The following GPALPP1 variants were observed in gnomAD, a reference collection of about 807,000 sequenced individuals.
GPALPP1 encodes GPALPP motifs containing 1.
Under a neutral mutation model 38.9 loss-of-function variants are expected in GPALPP1, and 30 were observed. The observed-to-expected ratio is 0.77, with a 90% CI of 0.58 to 1.05. The LOEUF (loss-of-function observed/expected upper bound fraction) is 1.05, where lower values mean the gene tolerates loss of function less well. Among genes scored for constraint, GPALPP1 ranks in the 50% least tolerant of loss-of-function variants. The pLI is 0.00. For synonymous variants in GPALPP1, 120 were observed against 139.2 expected (o/e 0.86, Z 0.97); for missense variants, 384 against 408.8 (o/e 0.94, Z 0.52).
At chr13:44,992,082 T>C (rs1385058190) in intron 1 of GPALPP1, among the ~76,000 whole-genome samples, 1 of 152,222 alleles carries the variant, frequency 6.6e-6, no homozygotes, top group Non-Finnish European at 1.5e-5. Context: ...GTATATGTCT[T>C]ATGGTAGATA....
At position 45,004,296 on chromosome 13, in the gene GPALPP1, G is replaced by A; in HGVS notation, c.89-9G>A. 6.2e-7 allele frequency: 1 copy of A among 1,609,988 alleles called. No homozygotes were observed. Reference sequence around the variant, plus strand: ...TGGCTAGTGATGACAAACAACAAGTGTTCTTTAGTTGCAGGACCAGCTCTG... The same window carrying A: ...TGGCTAGTGATGACAAACAACAAGTATTCTTTAGTTGCAGGACCAGCTCTG... On this transcript the variant is annotated splice_polypyrimidine_tract_variant and intron_variant, in intron 1 of 7. Coordinates refer to ENST00000379151, the MANE Select transcript of GPALPP1 (RefSeq NM_018559.5).
chr13:45,034,310 T>C (rs1876328479), downstream of GPALPP1: 1 of 152,122 alleles, frequency 6.6e-6, no homozygotes, highest in African/African-American at 2.4e-5. Context: ...TATATTCTAG[T>C]GGGAGAGCAG....
downstream of GPALPP1, chr13:45,035,220 T>G (rs1015299238): frequency 1.3e-5 from 2 of 152,478 alleles, no homozygotes; most frequent in Non-Finnish European, 2.9e-5. Context: ...CCTCCCAAAG[T>G]GCTGGGATTA....
At chr13:44,992,787 T>C (rs61052533) in intron 1 of GPALPP1, among the ~76,000 whole-genome samples, 4,446 of 152,300 alleles carry the variant, frequency 0.029, 243 homozygotes, top group African/African-American at 0.1. Context: ...TTGTTTATTC[T>C]GGTAAAATAT....
chr13:45,006,222 A>G lies in GPALPP1; in HGVS notation c.242A>G (p.Asp81Gly). 1.2e-6 allele frequency: 2 copies of G among 1,607,344 alleles called. No individual in the cohort carries two copies. The highest frequency in any genetic ancestry group is 1.7e-6 in the Non-Finnish European group (2 of 1,176,088). The part of the protein sequence containing the change: ...PTARKQRKNQ[D>G]DDDDDDDGFF... ...TTCAGAAAACAGAGGAAAAATCAGGATGATGACGATGATGATGATGATGGG... is the reference window on the plus strand; with the variant it reads ...TTCAGAAAACAGAGGAAAAATCAGGGTGATGACGATGATGATGATGATGGG... Residue 81 changes from aspartate (D) to glycine (G), a missense_variant, in exon 3 of 8, where the codon GAT becomes GGT. By Grantham distance (94) the Asp-to-Gly change is moderately conservative. Coordinates refer to ENST00000379151, the MANE Select transcript of GPALPP1 (RefSeq NM_018559.5).
intron 6 of GPALPP1, among the ~76,000 whole-genome samples, chr13:45,017,655 T>C (rs1402932278): frequency 1.3e-5 from 2 of 152,198 alleles, no homozygotes; most frequent in East Asian, 1.9e-4. Context: ...CAGCCAGATA[T>C]GTAGGGAGTC....
At chr13:45,003,898 C>T (rs1451785621) in intron 1 of GPALPP1, among the ~76,000 whole-genome samples, 2 of 147,172 alleles carry the variant, frequency 1.4e-5, no homozygotes, top group African/African-American at 2.5e-5. Flanking sequence ...GTGGTTCTAC[C>T]GTAAACTGTA....
At chr13:45,016,639 T>C (rs1473059414) in intron 6 of GPALPP1, among the ~76,000 whole-genome samples, 1 of 152,276 alleles carries the variant, frequency 6.6e-6, no homozygotes, top group East Asian at 1.9e-4. Context: ...TTGGTTTTTT[T>C]GTTTGGTTGT....
chr13:44,992,747 C>A (rs1442263337), intron 1 of GPALPP1, among the ~76,000 whole-genome samples: 1 of 152,180 alleles, frequency 6.6e-6, no homozygotes, highest in Admixed American at 6.5e-5. Flanking sequence ...ATAAATCAGG[C>A]AACCATATAT....
chr13:45,016,702 G>A (rs766020556), intron 6 of GPALPP1, among the ~76,000 whole-genome samples: 47 of 152,100 alleles, frequency 3.1e-4, no homozygotes, highest in Non-Finnish European at 6.2e-4. Context: ...CTGCAGTGGT[G>A]CAATCACAGC....
At chr13:45,008,697 A>G (rs1441566771) in intron 3 of GPALPP1, 98 bp from the exon 4 acceptor site, 13 of 625,888 alleles carry the variant, frequency 2.1e-5, no homozygotes, top group South Asian at 4.4e-5. Context: ...TATTTTCAAC[A>G]TTTGTCACTA....
chr13:45,037,452 A>G (rs1357264684), exon 8 of GPALPP1: 1 of 152,238 alleles, frequency 6.6e-6, no homozygotes, highest in Non-Finnish European at 1.5e-5. Flanking sequence ...GCTAATTTTT[A>G]TAACAGGTAC....
Position 45,015,555 on chromosome 13 carries a change from A to C in GPALPP1, c.664A>C (p.Ile222Leu). The stretch of plus-strand genomic sequence containing the variant: ...TGATGACACATCTGGAGATCGATCA[A>C]TCTGGACAGATACTCCAGCTGATAG... ...RADDTSGDRS[I>L]WTDTPADRER... The change falls in exon 6 of 8, where the codon ATC becomes CTC. Residue 222 changes from isoleucine to leucine, a missense_variant. Physicochemically the swap from Ile to Leu is conservative, Grantham distance 5. Transcript: ENST00000379151. 1.3e-6 allele frequency: 2 copies of C among 1,588,982 alleles called. No individual in the cohort carries two copies. Among genetic ancestry groups the C allele is most frequent in the Non-Finnish European group, 1.7e-6 (2 of 1,168,142 alleles).
At chr13:44,998,145 A>C (rs1271144677) in intron 1 of GPALPP1, among the ~76,000 whole-genome samples, 1 of 152,234 alleles carries the variant, frequency 6.6e-6, no homozygotes. Context: ...ACTGTATCTA[A>C]AAACTATCCT....
chr13:45,032,905 T>C (rs113687154), downstream of GPALPP1, among the ~76,000 whole-genome samples: 20,993 of 150,926 alleles, frequency 0.14, 2,205 homozygotes, highest in East Asian at 0.27. Context: ...GGCATGGCGG[T>C]GTGCGCCTGT....
chr13:45,007,216 T>C (rs892541413), intron 3 of GPALPP1, among the ~76,000 whole-genome samples: 1 of 152,152 alleles, frequency 6.6e-6, no homozygotes, highest in African/African-American at 2.4e-5. Context: ...TAGCCCTTTA[T>C]AGAAAGTTTG....
rs144065770 is a variant in GPALPP1 at position 45,005,908 on chromosome 13, C to A, written c.222-294C>A. On this transcript the variant is annotated intron_variant, in intron 2 of 7. Transcript: ENST00000379151. Reference sequence around the variant, plus strand: ...GGGCGTGGTGGCGCTTCCCTGTAATCCCAGCTACTTGGGAGGCTGAGGCAG... The same window carrying A: ...GGGCGTGGTGGCGCTTCCCTGTAATACCAGCTACTTGGGAGGCTGAGGCAG... Among the ~76,000 whole-genome samples the A allele has an allele frequency of 4.9e-3, 743 of 152,116 alleles. 4 individuals carry two copies. Among genetic ancestry groups the A allele is most frequent in the African/African-American group, 0.017 (695 of 41,496 alleles).
downstream of GPALPP1, among the ~76,000 whole-genome samples, chr13:45,032,561 G>A (rs796543277): frequency 4.6e-5 from 7 of 151,078 alleles, no homozygotes; most frequent in East Asian, 6.0e-4. Flanking sequence ...GCCCACCACC[G>A]TGCCCAGCTA....
Position 45,028,003 on chromosome 13 carries a change from A to G in GPALPP1, c.1023A>G (p.Ter341=). 1 of 1,516,430 alleles carries G rather than the reference A, an allele frequency of 6.6e-7. No homozygotes were observed. The highest frequency in any genetic ancestry group is 2.3e-5 in the East Asian group (1 of 44,350). The allele number at this position is 1,516,430 out of a possible 1,614,324, so 93.9% of individuals were successfully genotyped here. ...ACGGCAAAGGCAATATGTTTTTATA[A>G]GTAAGTATATTTCAGTGAGGTATAT... The part of the protein sequence containing the change: ...FSHGKGNMFL[*] Residue 341 remains the stop codon, a stop_retained_variant, in exon 8 of 8, where the codon TAA becomes TAG. Transcript: ENST00000379151.
Sources: allele counts gnomAD v4.1 joint callset (sites outside exome capture counted in the v4.1 genomes callset), GRCh38; gene constraint gnomAD v4.1.1; transcripts MANE v1.5; gene names NCBI Gene and HGNC (gene_info 2026-07-23, HGNC 2026-07-21).